Variants in ZC3H4 observed in about 807,000 individuals in gnomAD.
ZC3H4 encodes zinc finger CCCH domain-containing protein 4.
ZC3H4 carries 13 observed loss-of-function variants against 108.3 expected under a neutral mutation model. That is an observed-to-expected ratio of 0.12 (90% CI 0.08 to 0.19). The LOEUF (loss-of-function observed/expected upper bound fraction) is 0.19. ZC3H4 is among the 10% of genes least tolerant of loss of function. The pLI, the probability that ZC3H4 is intolerant of heterozygous loss-of-function variation, is 1.00. For synonymous variants in ZC3H4, 917 were observed against 749.6 expected (o/e 1.22, Z -3.65); for missense variants, 1,734 against 1,838.8 (o/e 0.94, Z 1.04).
At chr19:47,106,007 T>C (rs2057963798) in intron 2 of ZC3H4, among the ~76,000 whole-genome samples, 1 of 152,212 alleles carries the variant, frequency 6.6e-6, no homozygotes, top group South Asian at 2.1e-4. Flanking sequence ...TTTTGTGACC[T>C]GGGACAAGTG....
chr19:47,108,623 T>C (rs2057997522), intron 2 of ZC3H4, among the ~76,000 whole-genome samples: 2 of 152,226 alleles, frequency 1.3e-5, no homozygotes, highest in Non-Finnish European at 2.9e-5. Context: ...CCGTTCATCT[T>C]TAACTTGCCA....
chr19:47,086,560 GAGC>G (rs771278692), intron 5 of ZC3H4, 22 bp from the exon 6 acceptor site: 1 of 1,563,186 alleles, frequency 6.4e-7, no homozygotes, highest in Non-Finnish European at 8.6e-7. Flanking sequence ...TTCAGATAGT[GAGC>G]CTCCAGCAGG....
At chr19:47,083,477 C>T (rs1304928476) in intron 9 of ZC3H4, among the ~76,000 whole-genome samples, 1 of 152,078 alleles carries the variant, frequency 6.6e-6, no homozygotes, top group Non-Finnish European at 1.5e-5. Context: ...AATCCCAGCA[C>T]TTCAGGAGGC....
At chr19:47,113,092 C>T (rs1376934156) in intron 1 of ZC3H4, among the ~76,000 whole-genome samples, 5 of 152,258 alleles carry the variant, frequency 3.3e-5, no homozygotes, top group Non-Finnish European at 7.3e-5. Flanking sequence ...CCGGCCCCCG[C>T]CGCAATCAGG....
chr19:47,072,322 C>T lies in ZC3H4; in HGVS notation c.1802+30G>A. ...CTGGCTGGGCCCAGGACAGCGCCCACTGCCTGTCACGGGGGTCCAGGGCAC... is the reference window on the plus strand; with the variant it reads ...CTGGCTGGGCCCAGGACAGCGCCCATTGCCTGTCACGGGGGTCCAGGGCAC... On this transcript the variant is annotated intron_variant, in intron 12 of 14. Coordinates refer to ENST00000253048, the MANE Select transcript of ZC3H4 (RefSeq NM_015168.2). The surrounding 1 kb of genome is among the most constrained non-coding windows in gnomAD (Gnocchi z 5.6). 6.2e-7 allele frequency: 1 copy of T among 1,604,840 alleles called. No homozygotes were observed. Among genetic ancestry groups the T allele is most frequent in the Non-Finnish European group, 8.5e-7 (1 of 1,175,234 alleles).
In ZC3H4 at chr19:47,071,664, G is replaced by A. The variant is rs944449312; in HGVS notation, c.2146+114C>T. ...TTCAACCATTAAATGGGACAGAGAT[G>A]GAGTCATGCTTTCAAAGAGACTTGG... is the stretch of plus-strand genomic sequence containing the variant. On this transcript the variant is annotated intron_variant, in intron 13 of 14. Transcript: ENST00000253048. 5.4e-6 allele frequency: 6 copies of A among 1,114,020 alleles called. No individual in the cohort carries two copies. In the African/African-American group the frequency reaches 6.3e-5, roughly 12 times the overall value. 69.0% of individuals were successfully genotyped at this position (1,114,020 alleles called of 1,614,324 possible).
At chr19:47,090,274 C>G (rs955657472) in intron 4 of ZC3H4, 85 bp from the exon 5 acceptor site, 1 of 1,448,534 alleles carries the variant, frequency 6.9e-7, no homozygotes, top group Non-Finnish European at 9.5e-7. Context: ...GTTCCCTAAA[C>G]GAACATGTCT....
intron 11 of ZC3H4, among the ~76,000 whole-genome samples, chr19:47,075,873 A>C (rs931213360): frequency 6.6e-6 from 1 of 152,084 alleles, no homozygotes; most frequent in East Asian, 1.9e-4. Context: ...CAAACTGCCC[A>C]TCGGTCCTGC....
chr19:47,097,164 G>A (rs776339520), intron 2 of ZC3H4, among the ~76,000 whole-genome samples: 2 of 152,234 alleles, frequency 1.3e-5, no homozygotes, highest in African/African-American at 2.4e-5. Flanking sequence ...CTGAGCCAAA[G>A]AGGGATTCTG....
chr19:47,099,510 C>T (rs1174901319), intron 2 of ZC3H4, among the ~76,000 whole-genome samples: 1 of 151,636 alleles, frequency 6.6e-6, no homozygotes, highest in Non-Finnish European at 1.5e-5. Flanking sequence ...CCCTGACGGA[C>T]ACTGCTGACT....
chr19:47,099,924 G>A (rs1039773834), intron 2 of ZC3H4, among the ~76,000 whole-genome samples: 1 of 152,028 alleles, frequency 6.6e-6, no homozygotes, highest in Non-Finnish European at 1.5e-5. Context: ...TTGATAAGAG[G>A]CGGCTAGGTT....
At chr19:47,079,352 A>G (rs2057479440) in intron 11 of ZC3H4, among the ~76,000 whole-genome samples, 1 of 151,866 alleles carries the variant, frequency 6.6e-6, no homozygotes, top group Admixed American at 6.6e-5. Context: ...AAAAAGAAAA[A>G]AAAAGTAATT....
chr19:47,067,375 CCTT>C lies in ZC3H4; in HGVS notation c.2890_2892del (p.Lys964del). ...AAGCTGGGCTTGCTCAGGGTCACGT[CCTT>C]CTTGATGTGGCTGAACTGCTGCAGC... On this transcript the variant is annotated inframe_deletion, in exon 15 of 15. Transcript: ENST00000253048. The surrounding 1 kb of genome is among the most constrained non-coding windows in gnomAD (Gnocchi z 6.4). 1 of 1,608,896 alleles carries C rather than the reference CCTT, an allele frequency of 6.2e-7. No homozygotes were observed. Among genetic ancestry groups the C allele is most frequent in the Non-Finnish European group, 8.5e-7 (1 of 1,177,158 alleles).
At position 47,072,727 on chromosome 19, in the gene ZC3H4, A is replaced by G; in HGVS notation, c.1441-14T>C. 2.5e-6 allele frequency: 4 copies of G among 1,612,720 alleles called. No homozygotes were observed. The highest frequency in any genetic ancestry group is 3.4e-6 in the Non-Finnish European group (4 of 1,179,932). On this transcript the variant is annotated splice_polypyrimidine_tract_variant and intron_variant, in intron 11 of 14. Coordinates refer to ENST00000253048, the MANE Select transcript of ZC3H4 (RefSeq NM_015168.2). This position sits in a 1 kb window ranked among gnomAD's most constrained non-coding sequence, Gnocchi z 5.6. ...ATCGGCCAACATCTGCGGGTGTGAA[A>G]GAACAAAAGAAGGTGTGGACGGGGT...
Position 47,069,278 on chromosome 19 carries a change from G to C in ZC3H4, c.2212C>G (p.Leu738Val), listed in dbSNP as rs1336416988. The C allele has an allele frequency of 3.1e-6, 5 of 1,613,826 alleles. No homozygotes were observed. Among genetic ancestry groups the C allele is most frequent in the Non-Finnish European group, 4.2e-6 (5 of 1,179,950 alleles). ...CCCTCAGAGAAGCTGTCGGGCTCCA[G>C]AGGGTGCTCAGGGAAGAGGTGCTCC... ...PGEHLFPEHP[L>V]EPDSFSEGGP... Residue 738 changes from leucine (L) to valine (V), a missense_variant, in exon 14 of 15, where the codon CTG becomes GTG. Leu to Val is a conservative substitution (Grantham distance 32). This residue lies in a region of ZC3H4 where 540 missense variants were observed against 484.1 expected (regional missense o/e 1.12). Coordinates refer to ENST00000253048, the MANE Select transcript of ZC3H4 (RefSeq NM_015168.2).
At chr19:47,084,125 C>T (rs1014436803) in intron 9 of ZC3H4, among the ~76,000 whole-genome samples, 1 of 152,142 alleles carries the variant, frequency 6.6e-6, no homozygotes, top group Non-Finnish European at 1.5e-5. Flanking sequence ...TCCCCTAAAA[C>T]CAAAAGTCCT....
In ZC3H4 at chr19:47,066,782, C is replaced by T. The variant is rs773202452; in HGVS notation, c.3486G>A (p.Glu1162=). The part of the protein sequence containing the change: ...RTPNAGGKAT[E]PAADTGAQPK... ...GCTGGGCACCCGTGTCAGCAGCCGG[C>T]TCTGTGGCTTTGCCCCCCGCGTTGG... The change falls in exon 15 of 15, where the codon GAG becomes GAA. Residue 1162 remains glutamate, a synonymous_variant. Coordinates refer to ENST00000253048, the MANE Select transcript of ZC3H4 (RefSeq NM_015168.2). 3.7e-6 allele frequency: 6 copies of T among 1,601,772 alleles called. No homozygotes were observed. Among genetic ancestry groups the T allele is most frequent in the African/African-American group, 2.7e-5 (2 of 74,886 alleles).
chr19:47,093,858 G>T, intron 4 of ZC3H4, 112 bp downstream of exon 4: 1 of 839,976 alleles, frequency 1.2e-6, no homozygotes, highest in Non-Finnish European at 1.9e-6. Context: ...ATACCTGATG[G>T]CCCAGGACTG....
intron 2 of ZC3H4, among the ~76,000 whole-genome samples, chr19:47,096,523 C>A (rs531873257): frequency 6.6e-6 from 1 of 152,308 alleles, no homozygotes; most frequent in South Asian, 2.1e-4. Flanking sequence ...GCAAACTGCC[C>A]GCCGCCAGGA....
Sources: allele counts gnomAD v4.1 joint callset (sites outside exome capture counted in the v4.1 genomes callset), GRCh38; gene constraint gnomAD v4.1.1; regional missense constraint gnomAD v4.1.1; non-coding constraint Gnocchi (gnomAD v3.1); transcripts MANE v1.5; gene names NCBI Gene and HGNC (gene_info 2026-07-23, HGNC 2026-07-21).